Variants in NCKAP5 observed in about 807,000 individuals in gnomAD.
NCKAP5 encodes NCK associated protein 5, also known as nck-associated protein 5.
A neutral mutation model predicts 167.0 loss-of-function variants in NCKAP5; 92 were observed. The observed-to-expected ratio is 0.55, with a 90% CI of 0.47 to 0.66. The LOEUF (loss-of-function observed/expected upper bound fraction) is 0.66. Among genes scored for constraint, NCKAP5 ranks in the 30% least tolerant of loss-of-function variants. NCKAP5 has a pLI of 0.00. For missense variants in NCKAP5, 2,378 were observed against 2,315.0 expected, an observed-to-expected ratio of 1.03 and a Z score of -0.56; for synonymous variants, 891 against 877.4, an observed-to-expected ratio of 1.02 and a Z score of -0.27.
chr2:132,861,604 C>T (rs1419088425), intron 10 of NCKAP5, among the ~76,000 whole-genome samples: 3 of 152,128 alleles, frequency 2.0e-5, no homozygotes, highest in African/African-American at 4.8e-5. Context: ...TCTTTTCCTT[C>T]CACTGCCACT....
At chr2:133,094,911 G>T (rs1339122526) in intron 6 of NCKAP5, among the ~76,000 whole-genome samples, 1 of 152,126 alleles carries the variant, frequency 6.6e-6, no homozygotes, top group Admixed American at 6.5e-5. Flanking sequence ...GAAGTTTAGA[G>T]TAGCCCCCTC....
chr2:133,154,680 T>A (rs2083508274), intron 5 of NCKAP5, among the ~76,000 whole-genome samples: 1 of 152,228 alleles, frequency 6.6e-6, no homozygotes, highest in Non-Finnish European at 1.5e-5. Context: ...TGGACTGCAA[T>A]TGATTCATGG....
intron 6 of NCKAP5, among the ~76,000 whole-genome samples, chr2:133,022,619 T>C (rs2078565428): frequency 6.6e-6 from 1 of 151,998 alleles, no homozygotes; most frequent in Non-Finnish European, 1.5e-5. Context: ...TTCTTCGGAG[T>C]GTCCATTCCT....
At chr2:133,252,208 G>A (rs1433028451) in intron 4 of NCKAP5, among the ~76,000 whole-genome samples, 1 of 152,128 alleles carries the variant, frequency 6.6e-6, no homozygotes, top group Non-Finnish European at 1.5e-5. Context: ...TTGGTTTTCA[G>A]ATGGGAGAGG....
chr2:133,004,436 C>G (rs1440706827), intron 6 of NCKAP5, among the ~76,000 whole-genome samples: 1 of 152,114 alleles, frequency 6.6e-6, no homozygotes, highest in Non-Finnish European at 1.5e-5. Flanking sequence ...AATTTTACAG[C>G]TGGGCCTCTG....
the NCKAP5 span, among the ~76,000 whole-genome samples, chr2:133,669,403 CT>C: frequency 6.6e-6 from 1 of 152,010 alleles, no homozygotes; most frequent in African/African-American, 2.4e-5. Flanking sequence ...AGTAGTACTT[CT>C]TTTCCCCCCT....
At chr2:133,201,792 T>C (rs1028563770) in intron 5 of NCKAP5, among the ~76,000 whole-genome samples, 6 of 151,988 alleles carry the variant, frequency 3.9e-5, no homozygotes, top group South Asian at 2.1e-4. Context: ...CACAGAGACA[T>C]AGAAGGCCAT....
intron 3 of NCKAP5, among the ~76,000 whole-genome samples, chr2:133,390,645 T>C (rs955930872): frequency 3.9e-5 from 6 of 152,300 alleles, no homozygotes; most frequent in African/African-American, 1.2e-4. Context: ...CAGCCTCTAA[T>C]TTCCCCTAGA....
intron 5 of NCKAP5, among the ~76,000 whole-genome samples, chr2:133,170,038 A>C (rs1304494363): frequency 6.6e-6 from 1 of 152,192 alleles, no homozygotes; most frequent in African/African-American, 2.4e-5. Context: ...CTTACCTTGG[A>C]TGATGTTTTA....
At chr2:133,308,079 ATTTTTT>A (rs60111877) in intron 3 of NCKAP5, among the ~76,000 whole-genome samples, 3 of 89,396 alleles carry the variant, frequency 3.4e-5, no homozygotes, top group African/African-American at 4.5e-5. Context: ...TTATTGTTCT[ATTTTTT>A]TTTTTTTTTT....
intron 2 of NCKAP5, among the ~76,000 whole-genome samples, chr2:133,520,870 CT>C (rs1290063686): frequency 1.3e-5 from 2 of 152,186 alleles, no homozygotes; most frequent in African/African-American, 4.8e-5. Context: ...CCAATCAGGG[CT>C]GACAATGGCA....
Position 133,303,025 on chromosome 2 carries a change from A to T in NCKAP5, c.143+12T>A, listed in dbSNP as rs746712805. On this transcript the variant is annotated intron_variant, in intron 4 of 19. Coordinates refer to ENST00000409261, the MANE Select transcript of NCKAP5 (RefSeq NM_207363.3). ...ACCTGAGCAAGCAAATAAGAACATG[A>T]ATTGAACTCACCTCCAGAGACTCCT... is the stretch of plus-strand genomic sequence containing the variant. 1 of 1,588,462 alleles carries T rather than the reference A, an allele frequency of 6.3e-7. No homozygotes were observed. Among genetic ancestry groups the T allele is most frequent in the Non-Finnish European group, 8.6e-7 (1 of 1,163,856 alleles).
intron 9 of NCKAP5, among the ~76,000 whole-genome samples, chr2:132,870,548 T>C (rs1366867126): frequency 6.6e-6 from 1 of 152,056 alleles, no homozygotes; most frequent in Non-Finnish European, 1.5e-5. Context: ...CTTCAAAGAC[T>C]CATACCTGGC....
intron 19 of NCKAP5, among the ~76,000 whole-genome samples, chr2:132,680,533 T>C (rs1685087770): frequency 6.6e-6 from 1 of 152,034 alleles, no homozygotes; most frequent in African/African-American, 2.4e-5. Context: ...AGAAGGTCAG[T>C]GGGAAGCTTA....
At chr2:132,781,794 C>T (rs190265362) in intron 14 of NCKAP5, 146 bp downstream of exon 14, 9 of 652,654 alleles carry the variant, frequency 1.4e-5, no homozygotes, top group Admixed American at 7.0e-5. Context: ...TAAATTCTGG[C>T]TAATGTATAA....
intron 5 of NCKAP5, among the ~76,000 whole-genome samples, chr2:133,135,396 G>A (rs940804328): frequency 4.6e-5 from 7 of 152,054 alleles, no homozygotes; most frequent in Admixed American, 6.6e-5. Context: ...GGCATAGGAC[G>A]CAGGTGGAAA....
chr2:133,659,706 A>G, the NCKAP5 span, among the ~76,000 whole-genome samples: 9 of 152,188 alleles, frequency 5.9e-5, no homozygotes, highest in African/African-American at 2.2e-4. Flanking sequence ...TTATAAAATT[A>G]TACAGTGCTA....
intron 6 of NCKAP5, among the ~76,000 whole-genome samples, chr2:133,004,654 G>T (rs953718673): frequency 6.6e-6 from 1 of 152,136 alleles, no homozygotes; most frequent in Non-Finnish European, 1.5e-5. Flanking sequence ...TAATGATGAG[G>T]TTCCATGTCC....
chr2:132,886,165 A>G (rs1000985496), intron 8 of NCKAP5, among the ~76,000 whole-genome samples: 2 of 112,124 alleles, frequency 1.8e-5, no homozygotes, highest in African/African-American at 8.4e-5. Flanking sequence ...GGACACCTTT[A>G]AATTAAAAAA....
Sources: gnomAD v4.1 joint callset for allele counts (sites outside exome capture counted in the v4.1 genomes callset) on GRCh38, gnomAD v4.1.1 for gene constraint, MANE v1.5 for transcripts, NCBI Gene and HGNC (gene_info 2026-07-23, HGNC 2026-07-21) for gene names.